Variants in ITGB8 observed in about 807,000 individuals in gnomAD.
ITGB8 encodes integrin subunit beta 8.
A neutral mutation model predicts 89.5 loss-of-function variants in ITGB8; 30 were observed. That is an observed-to-expected ratio of 0.34 (90% confidence interval 0.25 to 0.45). ITGB8 has a LOEUF of 0.45. Among genes scored for constraint, ITGB8 ranks in the 20% least tolerant of loss-of-function variants. The pLI is 1.00. For synonymous variants in ITGB8, 335 were observed against 320.4 expected, an observed-to-expected ratio of 1.05 and a Z score of -0.49; for missense variants, 836 against 933.3, an observed-to-expected ratio of 0.90 and a Z score of 1.36.
chr7:20,413,494 A>G lies in ITGB8; in HGVS notation c.*3497A>G, dbSNP rs955303464. ...TTATATTCTTCCTGGAACCTGGTAG[A>G]GTAGATTAGACTCAAAGGCTTTTTC... On this transcript the variant is annotated 3_prime_UTR_variant, in exon 14 of 14. Coordinates refer to ENST00000222573, the MANE Select transcript of ITGB8 (RefSeq NM_002214.3). 2.0e-5 allele frequency: 3 copies of G among 152,548 alleles called. No individual in the cohort carries two copies. Among genetic ancestry groups the G allele is most frequent in the Non-Finnish European group, 4.4e-5 (3 of 67,964 alleles). 9.4% of individuals were successfully genotyped at this position (152,548 alleles called of 1,614,324 possible). A position where few individuals can be genotyped will look rare whatever the true frequency, so the allele number is the denominator to read the frequency against.
chr7:20,402,659 C>T (rs906296726), intron 10 of ITGB8, among the ~76,000 whole-genome samples: 21 of 152,276 alleles, frequency 1.4e-4, no homozygotes, highest in African/African-American at 5.1e-4. Context: ...GGGCCACCAC[C>T]AGCAACAAAA....
At chr7:20,361,988 G>C (rs757769752) in intron 1 of ITGB8, among the ~76,000 whole-genome samples, 1 of 152,284 alleles carries the variant, frequency 6.6e-6, no homozygotes, top group African/African-American at 2.4e-5. Context: ...GAGATACATA[G>C]AGGAGATAAT....
chr7:20,382,021 G>A (rs1786420336), intron 6 of ITGB8, 136 bp downstream of exon 6: 4 of 689,692 alleles, frequency 5.8e-6, no homozygotes, highest in Admixed American at 5.8e-5. Context: ...CCATGAGAGA[G>A]AATTTATGGA....
rs765524617 is a variant in ITGB8, at chr7:20,404,840, T to C, written c.1900T>C (p.Cys634Arg). The C allele has an allele frequency of 2.5e-6, 4 of 1,614,076 alleles. No homozygotes were observed. Among genetic ancestry groups the C allele is most frequent in the South Asian group, 1.1e-5 (1 of 91,080 alleles). The change falls in exon 11 of 14, where the codon TGC becomes CGC. Residue 634 changes from cysteine (C) to arginine (R), a missense_variant. Physicochemically the swap from Cys to Arg is radical, Grantham distance 180. Coordinates refer to ENST00000222573, the MANE Select transcript of ITGB8 (RefSeq NM_002214.3). ...CEHCPTCYTA[C>R]KENWNCMQCL... is the part of the protein sequence containing the mutation. ...ACACTGCCCCACCTGTTATACAGCC[T>C]GCAAGGAAAACTGGTATGATTTCTT...
At chr7:20,400,931 T>G (rs1468250881) in intron 9 of ITGB8, among the ~76,000 whole-genome samples, 1 of 152,158 alleles carries the variant, frequency 6.6e-6, no homozygotes, top group Non-Finnish European at 1.5e-5. Flanking sequence ...GGAACAAAAT[T>G]AAAACTGTTC....
intron 1 of ITGB8, among the ~76,000 whole-genome samples, chr7:20,351,157 G>T (rs1356158621): frequency 6.6e-6 from 1 of 152,188 alleles, no homozygotes; most frequent in Non-Finnish European, 1.5e-5. Flanking sequence ...CATACTACTT[G>T]TATTAAAGAA....
At chr7:20,372,365 C>T (rs2127952837) in intron 3 of ITGB8, among the ~76,000 whole-genome samples, 1 of 152,194 alleles carries the variant, frequency 6.6e-6, no homozygotes, top group Non-Finnish European at 1.5e-5. Flanking sequence ...GGTAATGACA[C>T]AGGAGAAAAC....
In ITGB8 at chr7:20,331,310, G is replaced by A; in HGVS notation, c.-497G>A. On this transcript the variant is annotated 5_prime_UTR_variant, in exon 1 of 14. Transcript: ENST00000222573. ...ATGCGCCACAGACTTTTTTCCCCTC[G>A]ACCTCGCCGGCGTCCCCTCCCACAG... 1.1e-5 allele frequency: 4 copies of A among 376,078 alleles called. No homozygotes were observed. Among genetic ancestry groups the A allele is most frequent in the Non-Finnish European group, 1.9e-5 (4 of 212,138 alleles). 23.3% of individuals were successfully genotyped at this position (376,078 alleles called of 1,614,324 possible). A position where few individuals can be genotyped will look rare whatever the true frequency, so the allele number is the denominator to read the frequency against.
At chr7:20,361,287 G>C (rs923406118) in intron 1 of ITGB8, among the ~76,000 whole-genome samples, 1 of 152,220 alleles carries the variant, frequency 6.6e-6, no homozygotes, top group Non-Finnish European at 1.5e-5. Flanking sequence ...TCATGTTTCA[G>C]TTGAGTCAAG....
chr7:20,408,986 T>A (rs1295322592), intron 12 of ITGB8, among the ~76,000 whole-genome samples: 1 of 152,130 alleles, frequency 6.6e-6, no homozygotes, highest in Non-Finnish European at 1.5e-5. Flanking sequence ...AAGAATGATA[T>A]TTTCATGTTG....
At chr7:20,336,310 T>C (rs970477931) in intron 1 of ITGB8, among the ~76,000 whole-genome samples, 1 of 152,202 alleles carries the variant, frequency 6.6e-6, no homozygotes, top group Non-Finnish European at 1.5e-5. Context: ...CGGCCCAGTC[T>C]TGTGTCTTAA....
At chr7:20,409,269 C>T (rs1402174804) in intron 12 of ITGB8, among the ~76,000 whole-genome samples, 1 of 152,184 alleles carries the variant, frequency 6.6e-6, no homozygotes, top group African/African-American at 2.4e-5. Context: ...AAAAACTAGT[C>T]CTCTTTCTGT....
At chr7:20,398,769 A>C in intron 8 of ITGB8, 91 bp from the exon 9 acceptor site, 1 of 916,166 alleles carries the variant, frequency 1.1e-6, no homozygotes, top group Non-Finnish European at 1.5e-6. Context: ...AGTTAAAATT[A>C]AATCTATAAT....
intron 1 of ITGB8, among the ~76,000 whole-genome samples, chr7:20,358,705 C>A (rs955456512): frequency 4.7e-4 from 71 of 152,130 alleles, no homozygotes; most frequent in African/African-American, 1.7e-3. Context: ...GCCCAGCCAG[C>A]AGTATTTTTT....
chr7:20,346,067 T>C (rs1057269227), intron 1 of ITGB8, among the ~76,000 whole-genome samples: 1 of 152,130 alleles, frequency 6.6e-6, no homozygotes, highest in African/African-American at 2.4e-5. Flanking sequence ...TAATGTAAGT[T>C]ACAAGTGTCA....
At chr7:20,367,345 C>A (rs1197521649) in intron 3 of ITGB8, among the ~76,000 whole-genome samples, 159 bp downstream of exon 3, 13 of 152,128 alleles carry the variant, frequency 8.5e-5, no homozygotes, top group Non-Finnish European at 1.6e-4. Context: ...CTTTATAGTG[C>A]CTGCAGCCAG....
At chr7:20,376,467 C>T (rs538615078) in intron 3 of ITGB8, among the ~76,000 whole-genome samples, 2 of 152,266 alleles carry the variant, frequency 1.3e-5, no homozygotes, top group East Asian at 3.9e-4. Flanking sequence ...TAACTAGGGA[C>T]ACAATATCCA....
intron 6 of ITGB8, among the ~76,000 whole-genome samples, chr7:20,391,018 C>A (rs147015835): frequency 7.9e-5 from 12 of 152,014 alleles, no homozygotes; most frequent in Non-Finnish European, 1.8e-4. Flanking sequence ...TACATATTTG[C>A]AGTTCAATAC....
chr7:20,385,323 T>A (rs544122560), intron 6 of ITGB8, among the ~76,000 whole-genome samples: 5 of 152,360 alleles, frequency 3.3e-5, no homozygotes, highest in African/African-American at 1.2e-4. Flanking sequence ...CCTACCACAT[T>A]CCTATTGTAT....
Sources: gnomAD v4.1 joint callset for allele counts (sites outside exome capture counted in the v4.1 genomes callset) on GRCh38, gnomAD v4.1.1 for gene constraint, MANE v1.5 for transcripts, NCBI Gene and HGNC (gene_info 2026-07-23, HGNC 2026-07-21) for gene names.